The following SLC16A7 variants were observed in gnomAD, a reference collection of about 807,000 sequenced individuals.
The protein encoded by SLC16A7 is monocarboxylate transporter 2.
SLC16A7 carries 33 observed loss-of-function variants against 34.9 expected under a neutral mutation model. The ratio of observed to expected loss-of-function variants is 0.94; its 90% CI spans 0.72 to 1.26. The LOEUF (loss-of-function observed/expected upper bound fraction) is 1.26, where lower values mean the gene tolerates loss of function less well. Among genes scored for constraint, SLC16A7 ranks in the 50% most tolerant of loss-of-function variants. The pLI is 0.00. For missense variants in SLC16A7, 573 were observed against 578.1 expected, an observed-to-expected ratio of 0.99 and a Z score of 0.09; for synonymous variants, 201 against 206.6, an observed-to-expected ratio of 0.97 and a Z score of 0.23.
intron 3 of SLC16A7, among the ~76,000 whole-genome samples, chr12:59,770,796 G>A (rs946629685): frequency 6.6e-6 from 1 of 152,164 alleles, no homozygotes; most frequent in East Asian, 1.9e-4. Context: ...AATGGCATAT[G>A]TATGTGAATA....
chr12:59,648,202 A>C (rs181804738), intron 1 of SLC16A7, among the ~76,000 whole-genome samples: 2 of 152,298 alleles, frequency 1.3e-5, no homozygotes, highest in African/African-American at 4.8e-5. Context: ...CTTACTGGAC[A>C]GGCCTTGGGG....
chr12:59,732,426 G>GA (rs761921290), intron 3 of SLC16A7, among the ~76,000 whole-genome samples: 24 of 152,008 alleles, frequency 1.6e-4, no homozygotes, highest in Non-Finnish European at 3.2e-4. Context: ...GTCTCAAGGG[G>GA]AAAAAAATGC....
chr12:59,628,046 C>T (rs1880004783), intron 1 of SLC16A7, among the ~76,000 whole-genome samples: 1 of 151,830 alleles, frequency 6.6e-6, no homozygotes. Context: ...CTCTGGGTAT[C>T]TCCTTGAATC....
chr12:59,693,310 T>A (rs1871893550), intron 2 of SLC16A7, among the ~76,000 whole-genome samples: 1 of 151,884 alleles, frequency 6.6e-6, no homozygotes, highest in South Asian at 2.1e-4. Flanking sequence ...GGCATGCTGG[T>A]TTAGGTTTCA....
chr12:59,702,661 C>T (rs1873027912), intron 2 of SLC16A7, among the ~76,000 whole-genome samples: 1 of 152,044 alleles, frequency 6.6e-6, no homozygotes, highest in Non-Finnish European at 1.5e-5. Context: ...TTCTAACATA[C>T]AAATGTGTAC....
At chr12:59,657,887 CCA>C (rs930781139) in intron 2 of SLC16A7, among the ~76,000 whole-genome samples, 2 of 151,832 alleles carry the variant, frequency 1.3e-5, no homozygotes, top group African/African-American at 2.4e-5. Flanking sequence ...TTCTAGCTAC[CCA>C]CACACAAAGG....
At chr12:59,753,379 C>A in intron 3 of SLC16A7, among the ~76,000 whole-genome samples, 1 of 152,106 alleles carries the variant, frequency 6.6e-6, no homozygotes, top group South Asian at 2.1e-4. Flanking sequence ...TGCAGAGACA[C>A]ACATAGGCTC....
intron 2 of SLC16A7, among the ~76,000 whole-genome samples, chr12:59,659,719 T>C (rs1565634516): frequency 1.3e-5 from 2 of 152,058 alleles, no homozygotes; most frequent in Non-Finnish European, 2.9e-5. Context: ...GGCTTTCCCT[T>C]GTATGGGAAG....
chr12:59,738,832 T>TC (rs200288613), intron 3 of SLC16A7, among the ~76,000 whole-genome samples: 11,704 of 145,166 alleles, frequency 0.081, 536 homozygotes, highest in Middle Eastern at 0.18. Flanking sequence ...CCTCAAAGAT[T>TC]TTTTTTTTTT....
intron 3 of SLC16A7, among the ~76,000 whole-genome samples, chr12:59,748,824 T>C (rs1273671860): frequency 6.6e-6 from 1 of 152,216 alleles, no homozygotes; most frequent in Non-Finnish European, 1.5e-5. Context: ...CCTATAGATA[T>C]GCACTTTAAT....
At chr12:59,661,668 C>G (rs1795904) in intron 2 of SLC16A7, among the ~76,000 whole-genome samples, 7,203 of 152,060 alleles carry the variant, frequency 0.047, 593 homozygotes, top group African/African-American at 0.16. Context: ...CATTAGTGAG[C>G]CACTGTTGTC....
intron 3 of SLC16A7, among the ~76,000 whole-genome samples, chr12:59,738,567 T>C (rs550708967): frequency 6.6e-6 from 1 of 152,314 alleles, no homozygotes; most frequent in Non-Finnish European, 1.5e-5. Context: ...GTATTTTTCA[T>C]TCATCCTACC....
chr12:59,635,751 GATT>G (rs1347632242), intron 1 of SLC16A7, among the ~76,000 whole-genome samples: 1 of 151,850 alleles, frequency 6.6e-6, no homozygotes, highest in African/African-American at 2.4e-5. Context: ...TTTCTGACTT[GATT>G]TATCTGTCCA....
At chr12:59,762,817 T>G (rs1224542384) in intron 3 of SLC16A7, among the ~76,000 whole-genome samples, 1 of 127,890 alleles carries the variant, frequency 7.8e-6, no homozygotes, top group Non-Finnish European at 1.8e-5. Context: ...AGACCACATC[T>G]TTCTCAAAAA....
intron 2 of SLC16A7, among the ~76,000 whole-genome samples, chr12:59,681,840 C>T (rs1403533020): frequency 6.6e-6 from 1 of 151,754 alleles, no homozygotes; most frequent in Non-Finnish European, 1.5e-5. Flanking sequence ...TTTCTTAGGC[C>T]CCTGAGGAAC....
chr12:59,671,858 T>TATATGTAC (rs1489416350), intron 2 of SLC16A7, among the ~76,000 whole-genome samples: 1 of 71,272 alleles, frequency 1.4e-5, no homozygotes, highest in African/African-American at 7.4e-5. Context: ...TATATATGTG[T>TATATGTAC]ATATGTATAT....
intron 1 of SLC16A7, among the ~76,000 whole-genome samples, chr12:59,642,473 G>C (rs2137007740): frequency 6.6e-6 from 1 of 151,986 alleles, no homozygotes; most frequent in African/African-American, 2.4e-5. Context: ...TGATACTCAG[G>C]ATTTTATGTG....
At chr12:59,743,210 G>A (rs1448038694) in intron 3 of SLC16A7, among the ~76,000 whole-genome samples, 3 of 152,156 alleles carry the variant, frequency 2.0e-5, no homozygotes, top group Non-Finnish European at 4.4e-5. Context: ...AGAGGCTAGA[G>A]TAATTACTGA....
intron 3 of SLC16A7, among the ~76,000 whole-genome samples, chr12:59,728,366 T>C (rs1238541795): frequency 6.6e-6 from 1 of 152,242 alleles, no homozygotes; most frequent in Admixed American, 6.5e-5. Flanking sequence ...CCCTATTGGC[T>C]GTGAGCAGCT....
Sources: allele counts gnomAD v4.1 joint callset (sites outside exome capture counted in the v4.1 genomes callset), GRCh38; gene constraint gnomAD v4.1.1; transcripts MANE v1.5; gene names NCBI Gene and HGNC (gene_info 2026-07-23, HGNC 2026-07-21).